Variants in MACROD2 observed in about 807,000 individuals in gnomAD.
MACROD2 encodes the protein mono-ADP ribosylhydrolase 2, also known as ADP-ribose glycohydrolase MACROD2.
Under a neutral mutation model 70.4 loss-of-function variants are expected in MACROD2, and 36 were observed. That is an observed-to-expected ratio of 0.51 (90% CI 0.39 to 0.68). The LOEUF is 0.68. MACROD2 is among the 30% of genes least tolerant of loss of function. MACROD2 has a pLI of 0.00. For synonymous variants in MACROD2, 172 were observed against 178.8 expected, an observed-to-expected ratio of 0.96 and a Z score of 0.30; for missense variants, 496 against 538.4, an observed-to-expected ratio of 0.92 and a Z score of 0.78.
chr20:15,606,509 C>T (rs1394659679), intron 8 of MACROD2, among the ~76,000 whole-genome samples: 1 of 152,150 alleles, frequency 6.6e-6, no homozygotes, highest in Non-Finnish European at 1.5e-5. Context: ...CTGAAGATTT[C>T]TCTGTGCAGC....
At chr20:14,029,336 T>C (rs1236428576) in intron 2 of MACROD2, among the ~76,000 whole-genome samples, 1 of 152,246 alleles carries the variant, frequency 6.6e-6, no homozygotes, top group Non-Finnish European at 1.5e-5. Flanking sequence ...ATATAGTATG[T>C]TGAATTTGTT....
chr20:15,304,733 T>TA (rs142711673), intron 6 of MACROD2, among the ~76,000 whole-genome samples: 7,550 of 148,782 alleles, frequency 0.051, 623 homozygotes, highest in African/African-American at 0.17. Context: ...CTGCCTTATC[T>TA]AAAAAAAAAA....
At chr20:15,129,555 A>G (rs2076090231) in intron 5 of MACROD2, among the ~76,000 whole-genome samples, 1 of 152,148 alleles carries the variant, frequency 6.6e-6, no homozygotes, top group African/African-American at 2.4e-5. Flanking sequence ...ATTAATCTAA[A>G]GGTAATTTTT....
chr20:14,640,775 A>G (rs1281308164), intron 4 of MACROD2, among the ~76,000 whole-genome samples: 1 of 152,216 alleles, frequency 6.6e-6, no homozygotes, highest in Non-Finnish European at 1.5e-5. Context: ...AATACAATGT[A>G]AATACCTTAA....
At chr20:15,759,956 C>T (rs76133143) in intron 8 of MACROD2, among the ~76,000 whole-genome samples, 3,480 of 152,186 alleles carry the variant, frequency 0.023, 64 homozygotes, top group East Asian at 0.068. Context: ...GAATTTTTGC[C>T]GCGTAAAGCT....
chr20:15,900,865 C>T (rs1271636559), intron 10 of MACROD2, among the ~76,000 whole-genome samples: 1 of 152,086 alleles, frequency 6.6e-6, no homozygotes, highest in East Asian at 1.9e-4. Context: ...TTTCTTCATA[C>T]ATTAAATGGA....
chr20:15,931,418 G>A (rs2065574729), intron 10 of MACROD2, among the ~76,000 whole-genome samples: 1 of 152,040 alleles, frequency 6.6e-6, no homozygotes, highest in African/African-American at 2.4e-5. Context: ...AAGGTGGGAG[G>A]ATTGCTTTAG....
chr20:15,580,208 A>G (rs1333687981), intron 8 of MACROD2, among the ~76,000 whole-genome samples: 1 of 152,186 alleles, frequency 6.6e-6, no homozygotes, highest in African/African-American at 2.4e-5. Context: ...TTTTCCCATC[A>G]CCAAATTTGC....
intron 3 of MACROD2, among the ~76,000 whole-genome samples, chr20:14,343,457 T>C (rs2083035528): frequency 6.6e-6 from 1 of 152,222 alleles, no homozygotes; most frequent in Non-Finnish European, 1.5e-5. Context: ...AATAGTTCAC[T>C]ACTAAATCCG....
intron 5 of MACROD2, among the ~76,000 whole-genome samples, chr20:15,155,109 A>G (rs2076297720): frequency 8.5e-6 from 1 of 117,816 alleles, no homozygotes; most frequent in Admixed American, 8.9e-5. Flanking sequence ...TGTTTAGGTT[A>G]CTGGGGGTTA....
At chr20:14,848,724 G>C (rs1205420590) in intron 5 of MACROD2, among the ~76,000 whole-genome samples, 1 of 152,078 alleles carries the variant, frequency 6.6e-6, no homozygotes, top group Non-Finnish European at 1.5e-5. Context: ...ATTCTACCTA[G>C]AGAGGCATTT....
chr20:15,631,035 C>T (rs1215182789), intron 8 of MACROD2, among the ~76,000 whole-genome samples: 1 of 152,176 alleles, frequency 6.6e-6, no homozygotes, highest in Non-Finnish European at 1.5e-5. Flanking sequence ...GAAGGTCTGC[C>T]TTTCTGAATA....
intron 5 of MACROD2, among the ~76,000 whole-genome samples, chr20:14,762,976 T>TC (rs1453206307): frequency 1.3e-5 from 2 of 151,162 alleles, no homozygotes; most frequent in Non-Finnish European, 3.0e-5. Context: ...GACAGACAGG[T>TC]AAGCTAAGCA....
chr20:14,964,541 T>C (rs370127304), intron 5 of MACROD2, among the ~76,000 whole-genome samples: 2,400 of 151,408 alleles, frequency 0.016, 62 homozygotes, highest in African/African-American at 0.054. Context: ...CCACTGCACT[T>C]CAGCCTGGGC....
At chr20:15,367,705 G>GT (rs1297978240) in intron 6 of MACROD2, among the ~76,000 whole-genome samples, 3 of 151,112 alleles carry the variant, frequency 2.0e-5, no homozygotes, top group South Asian at 2.1e-4. Context: ...TGTTTGCTTT[G>GT]TTTTTTTTAA....
intron 8 of MACROD2, among the ~76,000 whole-genome samples, chr20:15,657,469 A>C (rs1173872980): frequency 6.6e-6 from 1 of 152,176 alleles, no homozygotes; most frequent in Non-Finnish European, 1.5e-5. Context: ...ACCATTTCAG[A>C]CTGGTTAGTT....
rs370218749 is a variant in MACROD2, at chr20:14,172,493, C to T, written c.271+86765C>T. ...CTAATTTTTGTATTTTTAGTAGAGA[C>T]GGGGTTTTGCCATGTTGGCCAGGCA... is the stretch of plus-strand genomic sequence containing the variant. On this transcript the variant is annotated intron_variant, in intron 3 of 17. Transcript: ENST00000684519. Among the ~76,000 whole-genome samples, 446 of 151,950 alleles carry T rather than the reference C, an allele frequency of 2.9e-3. 2 individuals carry two copies. Among genetic ancestry groups the T allele is most frequent in the Middle Eastern group, 0.017 (5 of 294 alleles).
intron 5 of MACROD2, among the ~76,000 whole-genome samples, chr20:15,090,021 A>C (rs2075781301): frequency 6.6e-6 from 1 of 152,114 alleles, no homozygotes; most frequent in Non-Finnish European, 1.5e-5. Flanking sequence ...TCAGAGGAGT[A>C]GTTTAGATCA....
intron 5 of MACROD2, among the ~76,000 whole-genome samples, chr20:14,830,591 A>G (rs919129428): frequency 2.6e-5 from 4 of 152,168 alleles, no homozygotes; most frequent in African/African-American, 7.2e-5. Flanking sequence ...TAATCTAGAT[A>G]TTGATTTACT....
Sources: allele counts gnomAD v4.1 joint callset (sites outside exome capture counted in the v4.1 genomes callset), GRCh38; gene constraint gnomAD v4.1.1; transcripts MANE v1.5; gene names NCBI Gene and HGNC (gene_info 2026-07-23, HGNC 2026-07-21).